Variants in AFG2A observed in about 807,000 individuals in gnomAD.
AFG2A encodes the protein ATPase family gene 2 protein homolog A.
the AFG2A span, among the ~76,000 whole-genome samples, chr4:123,101,925 C>A: frequency 6.6e-6 from 1 of 151,842 alleles, no homozygotes; most frequent in Non-Finnish European, 1.5e-5. Context: ...TTGCAGAGAT[C>A]TTAGTTTCTG....
chr4:123,089,502 T>A, the AFG2A span, among the ~76,000 whole-genome samples: 31 of 152,350 alleles, frequency 2.0e-4, no homozygotes, highest in Non-Finnish European at 3.7e-4. Context: ...AAATCCAAGC[T>A]ATTGCTAATG....
At chr4:123,053,651 G>A in the AFG2A span, among the ~76,000 whole-genome samples, 19 of 152,144 alleles carry the variant, frequency 1.2e-4, no homozygotes, top group Admixed American at 2.6e-4. Context: ...GCTCAGATGG[G>A]CATGTGTCTC....
At chr4:123,155,663 A>C in the AFG2A span, among the ~76,000 whole-genome samples, 3 of 152,176 alleles carry the variant, frequency 2.0e-5, no homozygotes, top group Non-Finnish European at 4.4e-5. Context: ...ATTAGGTATT[A>C]TAAGTAATCT....
chr4:123,066,261 A>T, the AFG2A span, among the ~76,000 whole-genome samples: 2 of 152,204 alleles, frequency 1.3e-5, no homozygotes, highest in African/African-American at 4.8e-5. Context: ...TTTGAGGTAA[A>T]TTCAATACAT....
At chr4:122,979,433 C>T in the AFG2A span, 14 of 1,564,872 alleles carry the variant, frequency 8.9e-6, no homozygotes, top group African/African-American at 1.4e-5. Flanking sequence ...GAATTAAACT[C>T]TGAAAAAAAT....
the AFG2A span, among the ~76,000 whole-genome samples, chr4:123,059,135 TTTTTA>T: frequency 6.7e-3 from 926 of 138,428 alleles, 10 homozygotes; most frequent in African/African-American, 0.02. Context: ...TTTCTTTTCT[TTTTTA>T]TTTTATTTTA....
chr4:123,191,335 A>G, the AFG2A span, among the ~76,000 whole-genome samples: 1 of 148,786 alleles, frequency 6.7e-6, no homozygotes, highest in East Asian at 2.0e-4. Flanking sequence ...GAAATTGAGC[A>G]TATGCAGCTA....
the AFG2A span, among the ~76,000 whole-genome samples, chr4:123,040,386 C>G: frequency 6.6e-6 from 1 of 152,042 alleles, no homozygotes; most frequent in Middle Eastern, 3.2e-3. Context: ...CATAATCTGG[C>G]CTGCAGTGTA....
chr4:123,144,054 T>A, the AFG2A span, among the ~76,000 whole-genome samples: 1 of 151,898 alleles, frequency 6.6e-6, no homozygotes, highest in Non-Finnish European at 1.5e-5. Context: ...AGATGTTGAG[T>A]GAGTGGATAA....
At chr4:123,018,994 A>G in the AFG2A span, among the ~76,000 whole-genome samples, 1 of 152,178 alleles carries the variant, frequency 6.6e-6, no homozygotes, top group Non-Finnish European at 1.5e-5. Context: ...AACAAAAAAA[A>G]ATGAAGATAA....
At chr4:123,027,883 G>A in the AFG2A span, among the ~76,000 whole-genome samples, 3 of 151,944 alleles carry the variant, frequency 2.0e-5, no homozygotes, top group Non-Finnish European at 4.4e-5. Context: ...CAGATGAAAC[G>A]TAACTTCTAA....
the AFG2A span, chr4:122,947,536 A>T: frequency 1.4e-6 from 2 of 1,407,232 alleles, no homozygotes; most frequent in Non-Finnish European, 1.9e-6. Flanking sequence ...ACTTATCTCC[A>T]GTTTACTTAC....
the AFG2A span, among the ~76,000 whole-genome samples, chr4:123,299,117 A>ATGTGTGTATGTG: frequency 6.8e-6 from 1 of 147,120 alleles, no homozygotes; most frequent in Non-Finnish European, 1.5e-5. Context: ...GCATCTGCCA[A>ATGTGTGTATGTG]TGTGTGTGTG....
chr4:123,224,781 A>C, the AFG2A span, among the ~76,000 whole-genome samples: 1 of 151,998 alleles, frequency 6.6e-6, no homozygotes, highest in Non-Finnish European at 1.5e-5. Context: ...CTGAGGAATC[A>C]CCACACTGAC....
the AFG2A span, among the ~76,000 whole-genome samples, chr4:123,312,977 C>T: frequency 6.6e-6 from 1 of 152,198 alleles, no homozygotes; most frequent in Admixed American, 6.5e-5. Context: ...CTTTCATTTA[C>T]CAATATAAGG....
the AFG2A span, among the ~76,000 whole-genome samples, chr4:123,146,156 A>G: frequency 2.0e-5 from 3 of 152,290 alleles, no homozygotes; most frequent in South Asian, 6.2e-4. Context: ...ACTTATTTAA[A>G]TATGAGGGAG....
At chr4:123,235,439 G>T in the AFG2A span, among the ~76,000 whole-genome samples, 271 of 152,300 alleles carry the variant, frequency 1.8e-3, 6 homozygotes, top group Admixed American at 0.016. Flanking sequence ...TCCAAAGGTG[G>T]TGTTAACTTG....
At chr4:123,047,839 A>T in the AFG2A span, among the ~76,000 whole-genome samples, 1 of 152,078 alleles carries the variant, frequency 6.6e-6, no homozygotes, top group Non-Finnish European at 1.5e-5. Flanking sequence ...AGCAGCTAGG[A>T]ATACAGGTGT....
the AFG2A span, among the ~76,000 whole-genome samples, chr4:122,981,957 A>T: frequency 1.3e-5 from 2 of 151,284 alleles, no homozygotes; most frequent in African/African-American, 4.9e-5. Context: ...CAAACAGACA[A>T]TTTTTTTCTT....
Sources: allele counts gnomAD v4.1 joint callset (sites outside exome capture counted in the v4.1 genomes callset), GRCh38; gene constraint gnomAD v4.1.1; transcripts MANE v1.5; gene names NCBI Gene and HGNC (gene_info 2026-07-23, HGNC 2026-07-21).